The following PRKCZ variants were observed in gnomAD, a reference collection of about 807,000 sequenced individuals.
PRKCZ encodes the protein protein kinase C zeta type.
Under a neutral mutation model 79.5 loss-of-function variants are expected in PRKCZ, and 33 were observed. The observed-to-expected ratio is 0.41, with a 90% CI of 0.31 to 0.55. PRKCZ has a LOEUF of 0.55. PRKCZ is among the 20% of genes least tolerant of loss of function. The pLI, the probability that PRKCZ is intolerant of heterozygous loss-of-function variation, is 0.19. For missense variants in PRKCZ, 578 were observed against 813.5 expected (o/e 0.71, Z 3.52); for synonymous variants, 342 against 320.9 (o/e 1.07, Z -0.70).
chr1:2,146,373 G>A (rs1017857673), intron 7 of PRKCZ, among the ~76,000 whole-genome samples: 3 of 152,186 alleles, frequency 2.0e-5, no homozygotes, highest in African/African-American at 7.2e-5. Context: ...TGGTTGCCCA[G>A]GGGTGCAGAG....
intron 4 of PRKCZ, among the ~76,000 whole-genome samples, chr1:2,132,152 T>G (rs1341308492): frequency 6.6e-6 from 1 of 152,224 alleles, no homozygotes. Context: ...TGTTTGGTTC[T>G]ATAGCAATGG....
At chr1:2,184,844 T>C in intron 17 of PRKCZ, 78 bp from the exon 18 acceptor site, 2 of 1,431,674 alleles carry the variant, frequency 1.4e-6, no homozygotes, top group Non-Finnish European at 1.9e-6. Context: ...GGAGGATTCT[T>C]ATGCGAACGT....
At chr1:2,163,234 A>G (rs1029555419) in intron 10 of PRKCZ, among the ~76,000 whole-genome samples, 65 of 152,254 alleles carry the variant, frequency 4.3e-4, no homozygotes, top group African/African-American at 1.6e-3. Context: ...TCGGGCAGGC[A>G]GCATTTGCCC....
intron 6 of PRKCZ, 54 bp from the exon 7 acceptor site, chr1:2,145,972 TG>T: frequency 6.8e-6 from 10 of 1,475,612 alleles, no homozygotes; most frequent in Non-Finnish European, 9.5e-6. Context: ...GAAGCTACAT[TG>T]TAACACCTGC....
rs1185503526 is a variant in PRKCZ at position 2,177,915 on chromosome 1, T to C, written c.1575+2602T>C. The stretch of plus-strand genomic sequence containing the variant: ...TGCCTCTGCCACCGACCGCCGGCCC[T>C]GCCTCTGCCACCGACCGCCGACCCT... On this transcript the variant is annotated intron_variant, in intron 16 of 17. Transcript: ENST00000378567. This position sits in a 1 kb window ranked among gnomAD's most constrained non-coding sequence, Gnocchi z 6.4. 1.3e-5 allele frequency among the ~76,000 whole-genome samples: 2 copies of C among 152,064 alleles called. No homozygotes were observed. Among genetic ancestry groups the C allele is most frequent in the Non-Finnish European group, 2.9e-5 (2 of 68,010 alleles).
chr1:2,143,045 T>G (rs1040866634), intron 5 of PRKCZ: 1 of 150,008 alleles, frequency 6.7e-6, no homozygotes, highest in Admixed American at 6.6e-5. Flanking sequence ...TTTTTTTTTT[T>G]TGAGATGGAG....
chr1:2,106,871 C>CCCTCTGGTGGGCGAGGA (rs1571421686), intron 4 of PRKCZ, among the ~76,000 whole-genome samples: 162 of 90,506 alleles, frequency 1.8e-3, no homozygotes, highest in Middle Eastern at 0.01. Flanking sequence ...TTCAGCAAGC[C>CCCTCTGGTGGGCGAGGA]CCTCCACACG....
Position 2,179,815 on chromosome 1 carries a change from C to G in PRKCZ, c.1575+4502C>G, listed in dbSNP as rs72925878. Among the ~76,000 whole-genome samples, 1,413 of 152,186 alleles carry G rather than the reference C, an allele frequency of 9.3e-3. 35 individuals are homozygous for G. The highest frequency in any genetic ancestry group is 0.032 in the African/African-American group (1,324 of 41,514). ...CGTGTGGTGGGAGCCTCAGGACTTT[C>G]CCACGTGCGACAGGCACGTTCCTGG... is the stretch of plus-strand genomic sequence containing the variant. On this transcript the variant is annotated intron_variant, in intron 16 of 17. Transcript: ENST00000378567.
At chr1:2,144,167 C>G in intron 5 of PRKCZ, 43 bp from the exon 6 acceptor site, 1 of 1,544,108 alleles carries the variant, frequency 6.5e-7, no homozygotes, top group African/African-American at 1.4e-5. Context: ...CTCCGCTGGC[C>G]CCTCAGTGTG....
At chr1:2,153,569 CCCTGCG>C (rs1286451204) in intron 9 of PRKCZ, among the ~76,000 whole-genome samples, 1 of 152,242 alleles carries the variant, frequency 6.6e-6, no homozygotes, top group Non-Finnish European at 1.5e-5. Context: ...AGCGTCCATG[CCCTGCG>C]CCGAGGAACA....
chr1:2,076,009 T>A (rs1481697746), intron 4 of PRKCZ, among the ~76,000 whole-genome samples: 1 of 152,232 alleles, frequency 6.6e-6, no homozygotes, highest in Non-Finnish European at 1.5e-5. Context: ...CTGCTGAGGA[T>A]CCCAAAATGT....
intron 10 of PRKCZ, among the ~76,000 whole-genome samples, chr1:2,162,212 A>C (rs1682459254): frequency 6.6e-6 from 1 of 151,986 alleles, no homozygotes; most frequent in Non-Finnish European, 1.5e-5. Flanking sequence ...GCTCACTGCA[A>C]CCTCCGCCCC....
chr1:2,148,142 A>G (rs555375589), intron 7 of PRKCZ, among the ~76,000 whole-genome samples: 1 of 145,282 alleles, frequency 6.9e-6, no homozygotes, highest in South Asian at 2.2e-4. Context: ...CCATCTATCC[A>G]TCTGTCTGTT....
intron 11 of PRKCZ, among the ~76,000 whole-genome samples, chr1:2,169,843 G>A (rs1468365993): frequency 6.6e-6 from 1 of 151,458 alleles, no homozygotes; most frequent in Non-Finnish European, 1.5e-5. Flanking sequence ...CCTTCTCCAG[G>A]GGTCAGCAGG....
intron 4 of PRKCZ, among the ~76,000 whole-genome samples, chr1:2,086,055 CTTTT>C (rs34459015): frequency 6.6e-5 from 9 of 137,330 alleles, no homozygotes; most frequent in African/African-American, 1.9e-4. Context: ...TATTATCATC[CTTTT>C]TTTTTTTTTT....
intron 4 of PRKCZ, among the ~76,000 whole-genome samples, chr1:2,113,710 G>A (rs992809238): frequency 6.6e-5 from 10 of 152,210 alleles, no homozygotes; most frequent in Non-Finnish European, 1.2e-4. Flanking sequence ...CCTAGCTGCC[G>A]TGGAGAATGC....
At chr1:2,115,905 G>A (rs941911607) in intron 4 of PRKCZ, among the ~76,000 whole-genome samples, 2 of 152,136 alleles carry the variant, frequency 1.3e-5, no homozygotes, top group Admixed American at 6.5e-5. Flanking sequence ...TGGAGGCTTC[G>A]TGACAGGCAC....
chr1:2,102,575 G>T (rs376941879), intron 4 of PRKCZ, among the ~76,000 whole-genome samples: 4 of 152,116 alleles, frequency 2.6e-5, no homozygotes, highest in East Asian at 1.9e-4. Flanking sequence ...CTCGTGATCC[G>T]CCCGCCTTGG....
chr1:2,066,789 C>G (rs939219874), intron 4 of PRKCZ, among the ~76,000 whole-genome samples: 11 of 152,198 alleles, frequency 7.2e-5, no homozygotes, highest in Non-Finnish European at 1.5e-4. Flanking sequence ...GGCGCCATGG[C>G]TCATGCTTGT....
Sources: gnomAD v4.1 joint callset for allele counts (sites outside exome capture counted in the v4.1 genomes callset) on GRCh38, gnomAD v4.1.1 for gene constraint, Gnocchi (gnomAD v3.1) non-coding constraint, MANE v1.5 for transcripts, NCBI Gene and HGNC (gene_info 2026-07-23, HGNC 2026-07-21) for gene names.